Variants in DOCK9 observed in about 807,000 individuals in gnomAD.
DOCK9 encodes the protein dedicator of cytokinesis 9.
Under a neutral mutation model 263.3 loss-of-function variants are expected in DOCK9, and 89 were observed. That is an observed-to-expected ratio of 0.34 (90% CI 0.28 to 0.40). DOCK9 has a LOEUF of 0.40. Among genes scored for constraint, DOCK9 ranks in the 10% least tolerant of loss-of-function variants. The pLI is 1.00. For synonymous variants in DOCK9, 976 were observed against 973.1 expected (o/e 1.00, Z -0.06); for missense variants, 2,140 against 2,603.4 (o/e 0.82, Z 3.87).
At chr13:98,801,905 A>C (rs1009464072) in intron 49 of DOCK9, among the ~76,000 whole-genome samples, 13 of 152,242 alleles carry the variant, frequency 8.5e-5, no homozygotes, top group African/African-American at 2.9e-4. Context: ...TCACGTACTT[A>C]TAGGCCTGTT....
In DOCK9 at chr13:98,800,493, C is replaced by A. The variant is rs777262850; in HGVS notation, c.5726-15G>T. ...GCAGTGTATGGCTGCAGAGGGTAAG[C>A]CCCAGAATTACTGCATGGCTTGCAC... is the stretch of plus-strand genomic sequence containing the variant. On this transcript the variant is annotated splice_polypyrimidine_tract_variant and intron_variant, in intron 49 of 52. Transcript: ENST00000682017. The A allele has an allele frequency of 1.1e-5, 18 of 1,608,662 alleles. No homozygotes were observed. The South Asian group carries it at 2.0e-4, about 18-fold the overall frequency.
intron 2 of DOCK9, among the ~76,000 whole-genome samples, chr13:98,944,656 C>G (rs2056471674): frequency 6.6e-6 from 1 of 152,174 alleles, no homozygotes; most frequent in South Asian, 2.1e-4. Flanking sequence ...TGCCCACACA[C>G]CCTCCCCTGC....
intron 35 of DOCK9, among the ~76,000 whole-genome samples, chr13:98,852,892 G>A (rs571933590): frequency 6.6e-6 from 1 of 152,206 alleles, no homozygotes; most frequent in South Asian, 2.1e-4. Flanking sequence ...AATCTACTAT[G>A]ATACTACCAT....
Position 99,086,280 on chromosome 13 carries a change from GC to G in DOCK9, c.71del (p.Gly24AlafsTer25). On this transcript the variant is annotated frameshift_variant, in exon 1 of 33. Coordinates refer to the DOCK9 transcript ENST00000427887. LOFTEE classifies it high-confidence loss of function. ...CGCTCTGCCGCAGCTCGGCCGCCGT[GC>G]CCGGCTTACTCAGCGCCCGGGTGAA... 29 of 1,496,678 alleles carry G rather than the reference GC, an allele frequency of 1.9e-5. No individual in the cohort carries two copies. Among genetic ancestry groups the G allele is most frequent in the Non-Finnish European group, 2.6e-5 (29 of 1,129,608 alleles). 92.7% of individuals were successfully genotyped at this position (1,496,678 alleles called of 1,614,324 possible).
intron 2 of DOCK9, among the ~76,000 whole-genome samples, chr13:98,937,119 G>C (rs892979529): frequency 3.3e-5 from 5 of 152,136 alleles, no homozygotes; most frequent in African/African-American, 1.2e-4. Flanking sequence ...CAACATAAAG[G>C]TGGGCATTCA....
intron 1 of DOCK9, among the ~76,000 whole-genome samples, chr13:99,076,788 C>G (rs1036546547): frequency 6.6e-6 from 1 of 152,116 alleles, no homozygotes; most frequent in African/African-American, 2.4e-5. Context: ...TGCTATGCAC[C>G]AGGCCCTGCG....
intron 1 of DOCK9, among the ~76,000 whole-genome samples, chr13:99,062,921 G>A (rs539612160): frequency 7.9e-5 from 12 of 152,228 alleles, no homozygotes; most frequent in Admixed American, 6.5e-4. Context: ...CAGGGTCCCC[G>A]AATCTACTCT....
intron 32 of DOCK9, among the ~76,000 whole-genome samples, chr13:98,860,886 C>G (rs1157245139): frequency 2.0e-5 from 3 of 152,166 alleles, no homozygotes; most frequent in African/African-American, 4.8e-5. Flanking sequence ...GCCTCCCCTG[C>G]TCTTTCTAAC....
chr13:98,911,498 A>G (rs1054434811), intron 9 of DOCK9, among the ~76,000 whole-genome samples: 6 of 152,226 alleles, frequency 3.9e-5, no homozygotes, highest in Non-Finnish European at 8.8e-5. Context: ...AATATCTTTT[A>G]TATCACTATG....
chr13:98,956,159 C>T (rs1351585772), intron 1 of DOCK9, among the ~76,000 whole-genome samples: 1 of 152,188 alleles, frequency 6.6e-6, no homozygotes, highest in African/African-American at 2.4e-5. Flanking sequence ...TAAACCAGGG[C>T]TCATGGGTGA....
intron 6 of DOCK9, among the ~76,000 whole-genome samples, chr13:98,921,604 T>C (rs1010072183): frequency 6.6e-6 from 1 of 152,242 alleles, no homozygotes; most frequent in Non-Finnish European, 1.5e-5. Flanking sequence ...GCTTCTTCTA[T>C]TGGTTTGACT....
rs372506126 is a variant in DOCK9 at position 98,808,459 on chromosome 13, T to C, written c.5368-652A>G. On this transcript the variant is annotated intron_variant, in intron 47 of 52. Coordinates refer to ENST00000682017, the MANE Select transcript of DOCK9 (RefSeq NM_001366683.2). ...TGAAAATTAAAAAGTCCAACTGGGG[T>C]TAATGTTTAAAAGAAAATTTTTTAA... Among the ~76,000 whole-genome samples the C allele has an allele frequency of 6.7e-4, 102 of 152,168 alleles. 1 individual carries two copies. Among genetic ancestry groups the C allele is most frequent in the African/African-American group, 2.2e-3 (93 of 41,528 alleles).
At chr13:98,798,379 G>A (rs756871844) in intron 50 of DOCK9, among the ~76,000 whole-genome samples, 2 of 152,192 alleles carry the variant, frequency 1.3e-5, no homozygotes, top group Non-Finnish European at 2.9e-5. Context: ...CACACCAGAC[G>A]TGGAGACACA....
At chr13:99,084,077 G>T (rs1375441981) in intron 1 of DOCK9, among the ~76,000 whole-genome samples, 1 of 152,184 alleles carries the variant, frequency 6.6e-6, no homozygotes, top group Admixed American at 6.5e-5. Context: ...CTCCTGAGAA[G>T]TCCAGGGTTA....
chr13:99,002,772 A>T (rs1396586704), intron 1 of DOCK9, among the ~76,000 whole-genome samples: 1 of 152,152 alleles, frequency 6.6e-6, no homozygotes, highest in Non-Finnish European at 1.5e-5. Flanking sequence ...ACTCTGTGGT[A>T]TGGAGGGAAA....
At chr13:98,864,951 C>G (rs190261032) in intron 30 of DOCK9, among the ~76,000 whole-genome samples, 1 of 152,196 alleles carries the variant, frequency 6.6e-6, no homozygotes, top group Non-Finnish European at 1.5e-5. Context: ...CTGGCTCCCC[C>G]CTTGCCCTCC....
chr13:98,902,208 T>C (rs1194348188), intron 12 of DOCK9, 80 bp downstream of exon 12: 2 of 1,482,196 alleles, frequency 1.3e-6, no homozygotes, highest in Non-Finnish European at 9.1e-7. Flanking sequence ...TTACAAGGTC[T>C]AATTTGAGCA....
intron 1 of DOCK9, among the ~76,000 whole-genome samples, chr13:99,051,480 G>A (rs1467126394): frequency 6.6e-6 from 1 of 152,066 alleles, no homozygotes; most frequent in Admixed American, 6.6e-5. Flanking sequence ...ATGGAAACAT[G>A]AGGTCTGCAG....
At chr13:99,086,379 G>C in exon 1 of DOCK9, 1 of 1,163,756 alleles carries the variant, frequency 8.6e-7, no homozygotes, top group Non-Finnish European at 1.1e-6. Flanking sequence ...CTCCGCCTCC[G>C]CCTGCTCCCG....
Sources: gnomAD v4.1 joint callset for allele counts (sites outside exome capture counted in the v4.1 genomes callset) on GRCh38, gnomAD v4.1.1 for gene constraint, MANE v1.5 for transcripts, NCBI Gene and HGNC (gene_info 2026-07-23, HGNC 2026-07-21) for gene names.